The following SNX29 variants were observed in gnomAD, a reference collection of about 807,000 sequenced individuals.
SNX29 encodes the protein sorting nexin 29.
A neutral mutation model predicts 102.1 loss-of-function variants in SNX29; 78 were observed. That is an observed-to-expected ratio of 0.76 (90% CI 0.64 to 0.92). SNX29 has a LOEUF of 0.92. Ranked by LOEUF, SNX29 falls within the 40% of genes least tolerant of loss-of-function variation. The pLI, the probability that SNX29 is intolerant of heterozygous loss-of-function variation, is 0.00. For missense variants in SNX29, 1,280 were observed against 1,061.7 expected (o/e 1.21, Z -2.86); for synonymous variants, 580 against 414.5 (o/e 1.40, Z -4.85).
rs149899410 is a variant in SNX29 at position 12,567,398 on chromosome 16, C to G, written c.2319-1108C>G. ...TTTTATCCCAGTGAGGTATTTACTT[C>G]CTATTCAAATAGCGTATAGTAGGCA... On this transcript the variant is annotated intron_variant, in intron 20 of 20. Transcript: ENST00000566228. 6.4e-4 allele frequency among the ~76,000 whole-genome samples: 97 copies of G among 152,306 alleles called. 1 individual carries two copies. The highest frequency in any genetic ancestry group is 2.2e-3 in the African/African-American group (91 of 41,574).
chr16:12,058,141 A>G (rs944306247), intron 8 of SNX29, among the ~76,000 whole-genome samples: 1 of 152,068 alleles, frequency 6.6e-6, no homozygotes, highest in African/African-American at 2.4e-5. Context: ...TATTGAATGG[A>G]AAAAACAAGA....
chr16:12,246,183 A>T (rs1343404258), intron 14 of SNX29, among the ~76,000 whole-genome samples: 1 of 152,122 alleles, frequency 6.6e-6, no homozygotes, highest in African/African-American at 2.4e-5. Flanking sequence ...AGGCTGATGT[A>T]TATTAACATG....
chr16:12,288,234 C>T (rs2079663374), intron 15 of SNX29, among the ~76,000 whole-genome samples: 1 of 152,162 alleles, frequency 6.6e-6, no homozygotes, highest in Non-Finnish European at 1.5e-5. Context: ...AGCAGCTTTC[C>T]ATCAGACATG....
At chr16:12,411,881 C>G (rs190912091) in intron 18 of SNX29, among the ~76,000 whole-genome samples, 3 of 152,336 alleles carry the variant, frequency 2.0e-5, no homozygotes, top group Admixed American at 6.5e-5. Flanking sequence ...AACCACTTGA[C>G]TTGTGATAAG....
intron 14 of SNX29, among the ~76,000 whole-genome samples, chr16:12,242,481 G>A (rs2078136359): frequency 6.6e-6 from 1 of 151,004 alleles, no homozygotes; most frequent in African/African-American, 2.4e-5. Flanking sequence ...ATCTCTGTCT[G>A]TGAGTGGTCG....
chr16:12,212,522 C>A (rs772617774), intron 14 of SNX29, among the ~76,000 whole-genome samples: 3 of 152,182 alleles, frequency 2.0e-5, no homozygotes, highest in Non-Finnish European at 2.9e-5. Flanking sequence ...CCAGCCCTGT[C>A]ATTTACTAGC....
At chr16:12,424,376 T>C (rs2084977093) in intron 18 of SNX29, among the ~76,000 whole-genome samples, 1 of 152,210 alleles carries the variant, frequency 6.6e-6, no homozygotes, top group Non-Finnish European at 1.5e-5. Flanking sequence ...ATACTTTATA[T>C]GGAAAATTGA....
At chr16:12,419,411 C>T (rs989946060) in intron 18 of SNX29, among the ~76,000 whole-genome samples, 37 of 152,170 alleles carry the variant, frequency 2.4e-4, no homozygotes, top group African/African-American at 8.4e-4. Flanking sequence ...CATCAAGACA[C>T]TCATTCCCCA....
intron 20 of SNX29, among the ~76,000 whole-genome samples, chr16:12,529,428 C>CCAAGAATT (rs1420477572): frequency 6.6e-6 from 1 of 152,154 alleles, no homozygotes; most frequent in Non-Finnish European, 1.5e-5. Context: ...GGCTCGGACT[C>CCAAGAATT]CAAGAATTCG....
intron 13 of SNX29, among the ~76,000 whole-genome samples, chr16:12,131,767 G>T (rs2054477399): frequency 6.6e-6 from 1 of 152,196 alleles, no homozygotes; most frequent in African/African-American, 2.4e-5. Flanking sequence ...TTACCTCTCT[G>T]TGCTGTTAGA....
intron 20 of SNX29, among the ~76,000 whole-genome samples, chr16:12,528,084 C>T (rs957326971): frequency 1.3e-5 from 2 of 152,088 alleles, no homozygotes; most frequent in Admixed American, 6.5e-5. Flanking sequence ...CTTGGCCTCC[C>T]AAAGTGCTGG....
Position 12,571,659 on chromosome 16 carries a change from G to A in SNX29, c.*3030G>A, listed in dbSNP as rs752745743. The A allele has an allele frequency of 2.3e-5, 24 of 1,058,930 alleles. No individual in the cohort carries two copies. The highest frequency in any genetic ancestry group is 6.6e-5 in the African/African-American group (4 of 60,652). 65.6% of individuals were successfully genotyped at this position (1,058,930 alleles called of 1,614,324 possible). On this transcript the variant is annotated 3_prime_UTR_variant, in exon 21 of 21. Coordinates refer to ENST00000566228, the MANE Select transcript of SNX29 (RefSeq NM_032167.5). ...CCCAGATGAAAGACGACTCAGGAAC[G>A]GTAGGGCTGGGCAGAGGTGTCTCTC...
intron 20 of SNX29, among the ~76,000 whole-genome samples, chr16:12,554,430 C>G (rs933302558): frequency 1.3e-5 from 2 of 152,214 alleles, no homozygotes; most frequent in Non-Finnish European, 1.5e-5. Context: ...GCGTGTCCTG[C>G]TGTTTCCGCA....
Position 12,058,495 on chromosome 16 carries a change from G to GTT in SNX29, c.1125-3018_1125-3017dup, listed in dbSNP as rs1249420541. On this transcript the variant is annotated intron_variant, in intron 8 of 20. Coordinates refer to ENST00000566228, the MANE Select transcript of SNX29 (RefSeq NM_032167.5). ...CTGGTGTTTTTTTTTTTGGTTTTTGGTTTTTTTTTTTTTTTTGAGATGGAG... is the reference window on the plus strand; with the variant it reads ...CTGGTGTTTTTTTTTTTGGTTTTTGGTTTTTTTTTTTTTTTTTTGAGATGGAG... 5.9e-4 allele frequency among the ~76,000 whole-genome samples: 63 copies of GTT among 106,540 alleles called. 2 individuals carry two copies. Among genetic ancestry groups the GTT allele is most frequent in the African/African-American group, 2.3e-3 (60 of 25,792 alleles). 69.9% of individuals were successfully genotyped at this position (106,540 alleles called of 152,430 possible).
chr16:12,139,518 G>GTCA (rs1204415533), intron 13 of SNX29, among the ~76,000 whole-genome samples: 2 of 152,202 alleles, frequency 1.3e-5, no homozygotes, highest in African/African-American at 4.8e-5. Context: ...ACTGAGAAAT[G>GTCA]TCAATTCTTC....
chr16:12,545,161 G>A (rs76867588), intron 20 of SNX29, among the ~76,000 whole-genome samples: 1,805 of 152,284 alleles, frequency 0.012, 31 homozygotes, highest in African/African-American at 0.041. Flanking sequence ...CAGACACTCT[G>A]CCAGCCGTCA....
chr16:12,208,112 G>C (rs989357297), intron 14 of SNX29, among the ~76,000 whole-genome samples: 1 of 152,172 alleles, frequency 6.6e-6, no homozygotes, highest in Non-Finnish European at 1.5e-5. Context: ...ACTTAAGAGC[G>C]GGGAGATGAT....
intron 20 of SNX29, among the ~76,000 whole-genome samples, chr16:12,567,854 T>C (rs1567223040): frequency 6.6e-6 from 1 of 152,128 alleles, no homozygotes. Flanking sequence ...GCCTCTACCC[T>C]ATCCCCTAAA....
rs988785941 is a variant in SNX29, at chr16:12,569,563, C to G, written c.*934C>G. 8.7e-6 allele frequency: 2 copies of G among 230,994 alleles called. No homozygotes were observed. The highest frequency in any genetic ancestry group is 5.7e-5 in the Admixed American group (1 of 17,688). 14.3% of individuals were successfully genotyped at this position (230,994 alleles called of 1,614,324 possible). On this transcript the variant is annotated 3_prime_UTR_variant, in exon 21 of 21. Coordinates refer to ENST00000566228, the MANE Select transcript of SNX29 (RefSeq NM_032167.5). ...TGTGGACACTTAACAGATCATGTGT[C>G]TCTCCACTAAAAACATTTTCCATCC...
Sources: allele counts gnomAD v4.1 joint callset (sites outside exome capture counted in the v4.1 genomes callset), GRCh38; gene constraint gnomAD v4.1.1; transcripts MANE v1.5; gene names NCBI Gene and HGNC (gene_info 2026-07-23, HGNC 2026-07-21).